PCGF3: variants seen among roughly 807,000 people sequenced by gnomAD.
PCGF3 encodes polycomb group RING finger protein 3.
PCGF3 carries 7 observed loss-of-function variants against 33.1 expected under a neutral mutation model. The ratio of observed to expected loss-of-function variants is 0.21; its 90% confidence interval spans 0.12 to 0.40. PCGF3 has a LOEUF of 0.40. Ranked by LOEUF, PCGF3 falls within the 10% of genes least tolerant of loss-of-function variation. PCGF3 has a pLI of 1.00. For synonymous variants in PCGF3, 153 were observed against 121.3 expected, an observed-to-expected ratio of 1.26 and a Z score of -1.72; for missense variants, 211 against 313.3, an observed-to-expected ratio of 0.67 and a Z score of 2.46.
At chr4:739,088 T>C (rs1273577563) in intron 6 of PCGF3, among the ~76,000 whole-genome samples, 3 of 152,336 alleles carry the variant, frequency 2.0e-5, no homozygotes, top group Non-Finnish European at 4.4e-5. Flanking sequence ...TTAAAGCTCA[T>C]AACCACAATA....
Position 721,936 on chromosome 4 carries a change from G to A in PCGF3, c.-189-8694G>A, listed in dbSNP as rs185240700. Among the ~76,000 whole-genome samples, 334 of 145,042 alleles carry A rather than the reference G, an allele frequency of 2.3e-3. 1 individual carries two copies. The highest frequency in any genetic ancestry group is 3.8e-3 in the Non-Finnish European group (251 of 66,676). ...TGTGGGAGGTGGGTGGACATGTGTC[G>A]CTGCATGTGGGTGTGGGGAGAGGCC... On this transcript the variant is annotated intron_variant, in intron 1 of 10. Transcript: ENST00000362003. This position sits in a 1 kb window ranked among gnomAD's most constrained non-coding sequence, Gnocchi z 4.1.
At chr4:765,087 CAG>C (rs761328405) in intron 10 of PCGF3, 23 bp downstream of exon 10, 4 of 1,537,108 alleles carry the variant, frequency 2.6e-6, no homozygotes, top group African/African-American at 1.4e-5. Flanking sequence ...ATTTGATTTT[CAG>C]AGTCTGCTCT....
chr4:769,410 C>T (rs1377676830), exon 11 of PCGF3: 5 of 152,702 alleles, frequency 3.3e-5, no homozygotes, highest in African/African-American at 1.2e-4. Flanking sequence ...GTTTAGTGCA[C>T]ATAGCTAAAT....
At chr4:722,835 C>G (rs1377956581) in intron 1 of PCGF3, among the ~76,000 whole-genome samples, 2 of 82,590 alleles carry the variant, frequency 2.4e-5, no homozygotes, top group African/African-American at 1.1e-4. Context: ...GCCATCCACG[C>G]CGGGTCCACA....
intron 1 of PCGF3, among the ~76,000 whole-genome samples, chr4:709,021 A>G (rs1313052702): frequency 6.6e-6 from 1 of 152,180 alleles, no homozygotes; most frequent in African/African-American, 2.4e-5. Context: ...GGAAGTGGTA[A>G]TGAAAAAGTG....
intron 5 of PCGF3, among the ~76,000 whole-genome samples, chr4:736,771 T>A (rs11725699): frequency 0.18 from 22,726 of 129,112 alleles, 2,073 homozygotes; most frequent in Admixed American, 0.28. Context: ...AGGGACGGTG[T>A]CCCCTGAGCG....
intron 8 of PCGF3, among the ~76,000 whole-genome samples, chr4:760,838 G>A (rs576151624): frequency 6.6e-6 from 1 of 152,342 alleles, no homozygotes; most frequent in South Asian, 2.1e-4. Context: ...AGGCAGCTGT[G>A]ACCTTCCGCC....
intron 1 of PCGF3, among the ~76,000 whole-genome samples, chr4:719,552 G>T (rs937712791): frequency 2.6e-5 from 4 of 152,266 alleles, no homozygotes; most frequent in African/African-American, 9.6e-5. Flanking sequence ...GGAGCTGTGT[G>T]TGTCTGTGGT....
chr4:708,674 C>T (rs941912283), intron 1 of PCGF3, among the ~76,000 whole-genome samples: 2 of 152,190 alleles, frequency 1.3e-5, no homozygotes, highest in Non-Finnish European at 2.9e-5. Flanking sequence ...TGGCTGTGGT[C>T]CGTGTCCAGC....
chr4:765,285 T>G (rs189597939), intron 10 of PCGF3, among the ~76,000 whole-genome samples: 101 of 152,178 alleles, frequency 6.6e-4, no homozygotes, highest in African/African-American at 2.2e-3. Context: ...TACAAAAAAT[T>G]AGCCAGGCGT....
chr4:722,500 G>T (rs1483073839), intron 1 of PCGF3: 5 of 254,792 alleles, frequency 2.0e-5, no homozygotes, highest in Non-Finnish European at 3.8e-5. Flanking sequence ...TCACGTCGGG[G>T]CTGTGTCCGC....
At chr4:760,109 C>T (rs1332129710) in intron 8 of PCGF3, among the ~76,000 whole-genome samples, 1 of 152,244 alleles carries the variant, frequency 6.6e-6, no homozygotes, top group Non-Finnish European at 1.5e-5. Flanking sequence ...TCCCCAGTGG[C>T]TCTTGCGGGG....
intron 6 of PCGF3, among the ~76,000 whole-genome samples, chr4:743,092 G>A (rs1026803492): frequency 6.6e-6 from 1 of 152,196 alleles, no homozygotes; most frequent in South Asian, 2.1e-4. Context: ...AATGATGTCT[G>A]GCATGGCACT....
intron 1 of PCGF3, among the ~76,000 whole-genome samples, chr4:717,455 C>T (rs1395392548): frequency 6.6e-6 from 1 of 152,162 alleles, no homozygotes; most frequent in Non-Finnish European, 1.5e-5. Context: ...TCTCGGCTCA[C>T]TGTAACCTCC....
At chr4:736,950 G>A (rs1743864848) in intron 5 of PCGF3, among the ~76,000 whole-genome samples, 1 of 2,488 alleles carries the variant, frequency 4.0e-4, no homozygotes, top group Admixed American at 4.1e-3. Flanking sequence ...GTGTCTGCAG[G>A]GACGGTGTCC....
exon 11 of PCGF3, chr4:767,931 C>T (rs1280767103): frequency 1.3e-5 from 2 of 152,592 alleles, no homozygotes; most frequent in Non-Finnish European, 2.9e-5. Flanking sequence ...TTAAGTGTAA[C>T]GTTAGAACTT....
At chr4:766,106 G>A (rs1314581619) in exon 11 of PCGF3, 1 of 1,610,378 alleles carries the variant, frequency 6.2e-7, no homozygotes, top group Admixed American at 1.7e-5. Context: ...CCCACAGACT[G>A]GGCCCTCGCA....
intron 9 of PCGF3, 128 bp from the exon 10 acceptor site, chr4:764,856 C>T (rs910597989): frequency 9.3e-6 from 6 of 648,086 alleles, no homozygotes; most frequent in African/African-American, 9.0e-5. Flanking sequence ...CAGCCCCCCC[C>T]ACCCCATCTC....
At chr4:706,957 C>T (rs1318383937) in intron 1 of PCGF3, among the ~76,000 whole-genome samples, 1 of 144,812 alleles carries the variant, frequency 6.9e-6, no homozygotes, top group African/African-American at 2.6e-5. Context: ...GGCAGGACCG[C>T]GGGAGGGTAG....
Sources: gnomAD v4.1 joint callset for allele counts (sites outside exome capture counted in the v4.1 genomes callset) on GRCh38, gnomAD v4.1.1 for gene constraint, Gnocchi (gnomAD v3.1) non-coding constraint, MANE v1.5 for transcripts, NCBI Gene and HGNC (gene_info 2026-07-23, HGNC 2026-07-21) for gene names.